BBS10: variants seen among roughly 807,000 people sequenced by gnomAD.
The protein encoded by BBS10 is Bardet-Biedl syndrome 10, also known as BBSome complex assembly protein BBS10.
A neutral mutation model predicts 12.7 loss-of-function variants in BBS10; 13 were observed. The ratio of observed to expected loss-of-function variants is 1.03; its 90% CI spans 0.67 to 1.63. BBS10 has a LOEUF of 1.63. BBS10 is among the 40% of genes most tolerant of loss of function. The pLI, the probability that BBS10 is intolerant of heterozygous loss-of-function variation, is 0.00. For missense variants in BBS10, 858 were observed against 858.0 expected, an observed-to-expected ratio of 1.00 and a Z score of 0.00; for synonymous variants, 294 against 304.8, an observed-to-expected ratio of 0.96 and a Z score of 0.37.
Position 76,346,652 on chromosome 12 carries a change from G to A in BBS10, c.1333C>T (p.Leu445Phe), listed in dbSNP as rs199878555. 5 of 1,614,018 alleles carry A rather than the reference G, an allele frequency of 3.1e-6. No homozygotes were observed. Among genetic ancestry groups the A allele is most frequent in the Non-Finnish European group, 4.2e-6 (5 of 1,179,950 alleles). Residue 445 changes from leucine (L) to phenylalanine (F), a missense_variant, in exon 2 of 2, where the codon CTT becomes TTT. Coordinates refer to ENST00000650064, the MANE Select transcript of BBS10 (RefSeq NM_024685.4). ...QTNDQNGTSSLFIYKNSGESY... is the reference protein window; with the variant it reads ...QTNDQNGTSSFFIYKNSGESY... Reference sequence around the variant, plus strand: ...TCTCCACTGTTCTTATAAATAAAAAGACTTGAAGTGCCATTTTGGTCATTG... The same window carrying A: ...TCTCCACTGTTCTTATAAATAAAAAAACTTGAAGTGCCATTTTGGTCATTG...
rs1220942999 is a variant in BBS10 at position 76,345,607 on chromosome 12, A to G, written c.*206T>C. 3 of 553,156 alleles carry G rather than the reference A, an allele frequency of 5.4e-6. No homozygotes were observed. The highest frequency in any genetic ancestry group is 9.7e-6 in the Non-Finnish European group (3 of 310,462). The allele number at this position is 553,156 out of a possible 1,614,324, so 34.3% of individuals were successfully genotyped here. A position where few individuals can be genotyped will look rare whatever the true frequency, so the allele number is the denominator to read the frequency against. ...GGGAAAAAACAGACACACTTAGCCAAATCTTGGCTTCCCCTCTAGATTTGT... is the reference window on the plus strand; with the variant it reads ...GGGAAAAAACAGACACACTTAGCCAGATCTTGGCTTCCCCTCTAGATTTGT... On this transcript the variant is annotated 3_prime_UTR_variant, in exon 2 of 2. Coordinates refer to ENST00000650064, the MANE Select transcript of BBS10 (RefSeq NM_024685.4).
Position 76,345,048 on chromosome 12 carries a change from T to C in BBS10, c.*765A>G, listed in dbSNP as rs1327279833. 6.6e-6 allele frequency: 1 copy of C among 152,146 alleles called. No homozygotes were observed. The highest frequency in any genetic ancestry group is 2.4e-5 in the African/African-American group (1 of 41,452). The allele number at this position is 152,146 out of a possible 1,614,324, so 9.4% of individuals were successfully genotyped here. On this transcript the variant is annotated 3_prime_UTR_variant, in exon 2 of 2. Transcript: ENST00000650064. ...GAAAAACCAGTAAATACATGACATA[T>C]CCTTACAAGCTCTTGGGGTCAGGAG... is the stretch of plus-strand genomic sequence containing the variant.
chr12:76,347,112 C>A lies in BBS10; in HGVS notation c.873G>T (p.Met291Ile). The change falls in exon 2 of 2, where the codon ATG becomes ATT. Residue 291 changes from methionine (M) to isoleucine (I), a missense_variant. By Grantham distance (10) the Met-to-Ile change is conservative (BLOSUM62 1). Coordinates refer to ENST00000650064, the MANE Select transcript of BBS10 (RefSeq NM_024685.4). The stretch of plus-strand genomic sequence containing the variant: ...GTTTCATTATTGCTTTTGTCTTTTC[C>A]ATAATCCAAAATTGAGATGTCTGAA... ...AQFQTSQFWI[M>I]EKTKAIMKHL... is the part of the protein sequence containing the mutation. 1.9e-6 allele frequency: 3 copies of A among 1,612,320 alleles called. No homozygotes were observed. Among genetic ancestry groups the A allele is most frequent in the Non-Finnish European group, 2.5e-6 (3 of 1,179,760 alleles).
In BBS10 at chr12:76,348,188, C is replaced by T; in HGVS notation, c.171G>A (p.Ala57=). The change falls in exon 1 of 2, where the codon GCG becomes GCA. Residue 57 remains alanine, a synonymous_variant. Coordinates refer to ENST00000650064, the MANE Select transcript of BBS10 (RefSeq NM_024685.4). ...TGGCTATGGGATGCTCTAAGTGTAG[C>T]GCCTCCAGGAGGCGGCCTCCATTCC... is the stretch of plus-strand genomic sequence containing the variant. ...LSRNGGRLLE[A]LHLEHPIARM... 6.2e-7 allele frequency: 1 copy of T among 1,612,924 alleles called. No individual in the cohort carries two copies. The highest frequency in any genetic ancestry group is 8.5e-7 in the Non-Finnish European group (1 of 1,179,180).
Position 76,347,494 on chromosome 12 carries a change from G to A in BBS10, c.491C>T (p.Thr164Ile), listed in dbSNP as rs769648898. 30 of 1,613,502 alleles carry A rather than the reference G, an allele frequency of 1.9e-5. No individual in the cohort carries two copies. The highest frequency in any genetic ancestry group is 2.3e-5 in the Non-Finnish European group (27 of 1,179,966). The change falls in exon 2 of 2, where the codon ACA (threonine) becomes ATA (isoleucine). Residue 164 changes from threonine to isoleucine, a missense_variant. Transcript: ENST00000650064. The stretch of plus-strand genomic sequence containing the variant: ...CAACTCTAAAGAGCTCCTACACAAT[G>A]TTCTCTCTTTAGCAGACGAAAAGAT... ...LSIFSSAKER[T>I]LCRSSLELLL...
intron 1 of BBS10, 71 bp from the exon 2 acceptor site, chr12:76,347,858 A>G: frequency 6.8e-7 from 1 of 1,475,346 alleles, no homozygotes; most frequent in Non-Finnish European, 9.3e-7. Flanking sequence ...CCATGTTTAC[A>G]CAGCCATAAG....
In BBS10 at chr12:76,348,178, C is replaced by A; in HGVS notation, c.181G>T (p.Glu61Ter). 6.2e-7 allele frequency: 1 copy of A among 1,612,386 alleles called. No individual in the cohort carries two copies. The highest frequency in any genetic ancestry group is 8.5e-7 in the Non-Finnish European group (1 of 1,178,784). Residue 61 changes from glutamate (E) to a stop codon, truncating the protein, a stop_gained, in exon 1 of 2, where the codon GAG (glutamate) becomes TAG (stop). Coordinates refer to ENST00000650064, the MANE Select transcript of BBS10 (RefSeq NM_024685.4). LOFTEE classifies it low-confidence loss of function (END_TRUNC). ...GGRLLEALHL[E>*]HPIARMIVDC... ...CGCGGGTACCTGGCTATGGGATGCT[C>A]TAAGTGTAGCGCCTCCAGGAGGCGG... is the stretch of plus-strand genomic sequence containing the variant.
At position 76,345,848 on chromosome 12, in the gene BBS10, T is replaced by C. The variant is rs1951753090; in HGVS notation, c.2137A>G (p.Lys713Glu). ...MVITVKRHPQ[K>E]VHNQDSEDEL ...TCTTCTGAATCTTGATTGTGAACTT[T>C]CTGAGGGTGTCTCTTAACAGTGATT... The change falls in exon 2 of 2, where the codon AAA becomes GAA. Residue 713 changes from lysine to glutamate, a missense_variant. Lys to Glu is a moderately conservative substitution (Grantham distance 56, BLOSUM62 1). Coordinates refer to ENST00000650064, the MANE Select transcript of BBS10 (RefSeq NM_024685.4). The C allele has an allele frequency of 6.2e-7, 1 of 1,613,726 alleles. No individual in the cohort carries two copies. The highest frequency in any genetic ancestry group is 8.5e-7 in the Non-Finnish European group (1 of 1,179,790).
At position 76,347,673 on chromosome 12, in the gene BBS10, TTC is replaced by T. The variant is rs2136091244; in HGVS notation, c.310_311del (p.Glu104LysfsTer7). 1.9e-6 allele frequency: 3 copies of T among 1,613,578 alleles called. No homozygotes were observed. The highest frequency in any genetic ancestry group is 2.5e-6 in the Non-Finnish European group (3 of 1,179,990). On this transcript the variant is annotated frameshift_variant, in exon 2 of 2. Coordinates refer to ENST00000650064, the MANE Select transcript of BBS10 (RefSeq NM_024685.4). LOFTEE classifies it low-confidence loss of function (END_TRUNC). ...LRGLHAITDR[E>X]KDPLMCENIQ... ...TGTTTTCACACATCAAAGGATCCTT[TTC>T]TCTGTCTGTGATTGCATGAAGTCCT... is the stretch of plus-strand genomic sequence containing the variant.
rs766572403 is a variant in BBS10, at chr12:76,347,596, G to A, written c.389C>T (p.Ser130Phe). 30 of 1,613,350 alleles carry A rather than the reference G, an allele frequency of 1.9e-5. No homozygotes were observed. Among genetic ancestry groups the A allele is most frequent in the Non-Finnish European group, 2.2e-5 (26 of 1,179,902 alleles). The part of the protein sequence containing the change: ...WKNCSRWKFI[S>F]QALLTFQTQI... ...TGTCTGAAACGTTAGGAGAGCCTGGGAAATAAATTTCCACCGAGAACAATT... is the reference window on the plus strand; with the variant it reads ...TGTCTGAAACGTTAGGAGAGCCTGGAAAATAAATTTCCACCGAGAACAATT... The change falls in exon 2 of 2, where the codon TCC (serine) becomes TTC (phenylalanine). Residue 130 changes from serine to phenylalanine, a missense_variant. Physicochemically the swap from Ser to Phe is radical, Grantham distance 155 (BLOSUM62 -2). Coordinates refer to ENST00000650064, the MANE Select transcript of BBS10 (RefSeq NM_024685.4).
rs1180521155 is a variant in BBS10, at chr12:76,347,173, G to C, written c.812C>G (p.Ser271Cys). ...TGAATTTAGAATAAACTCTGATCCA[G>C]AAGTGGAAAAAAGAGGCTGAATGGT... The part of the protein sequence containing the change: ...TETIQPLFST[S>C]GSEFILNSEA... The change falls in exon 2 of 2, where the codon TCT becomes TGT. Residue 271 changes from serine (S) to cysteine (C), a missense_variant. Coordinates refer to ENST00000650064, the MANE Select transcript of BBS10 (RefSeq NM_024685.4). 3 of 1,611,000 alleles carry C rather than the reference G, an allele frequency of 1.9e-6. No homozygotes were observed. Among genetic ancestry groups the C allele is most frequent in the Non-Finnish European group, 1.7e-6 (2 of 1,179,992 alleles).
chr12:76,347,086 T>A lies in BBS10; in HGVS notation c.899A>T (p.His300Leu), dbSNP rs775386507. 1.2e-6 allele frequency: 2 copies of A among 1,613,120 alleles called. No individual in the cohort carries two copies. The highest frequency in any genetic ancestry group is 3.3e-5 in the Admixed American group (2 of 60,030). Residue 300 changes from histidine (H) to leucine (L), a missense_variant, in exon 2 of 2, where the codon CAT becomes CTT. His to Leu is a moderately conservative substitution (Grantham distance 99, BLOSUM62 -3). Coordinates refer to ENST00000650064, the MANE Select transcript of BBS10 (RefSeq NM_024685.4). Reference protein sequence around the residue: ...IMEKTKAIMKHLHSQNVKLLI... With the variant: ...IMEKTKAIMKLLHSQNVKLLI... ...CAATTTTACATTCTGACTATGTAGA[T>A]GTTTCATTATTGCTTTTGTCTTTTC... is the stretch of plus-strand genomic sequence containing the variant.
rs1188005773 is a variant in BBS10, at chr12:76,346,615, G to A, written c.1370C>T (p.Ala457Val). 2.5e-6 allele frequency: 4 copies of A among 1,613,952 alleles called. No individual in the cohort carries two copies. The highest frequency in any genetic ancestry group is 8.5e-7 in the Non-Finnish European group (1 of 1,179,978). The change falls in exon 2 of 2, where the codon GCA (alanine) becomes GTA (valine). Residue 457 changes from alanine (A) to valine (V), a missense_variant. By Grantham distance (64) the Ala-to-Val change is moderately conservative (BLOSUM62 0). Transcript: ENST00000650064. ...IYKNSGESYQ[A>V]PDPGNGSIQR... ...TATTGAGCCATTACCAGGATCTGGT[G>A]CTTGATAACTTTCTCCACTGTTCTT...
rs1565810183 is a variant in BBS10, at chr12:76,347,594, G to A, written c.391C>T (p.Gln131Ter). The A allele has an allele frequency of 6.2e-7, 1 of 1,613,252 alleles. No individual in the cohort carries two copies. The highest frequency in any genetic ancestry group is 8.5e-7 in the Non-Finnish European group (1 of 1,179,840). The part of the protein sequence containing the change: ...KNCSRWKFIS[Q>*]ALLTFQTQIL... The stretch of plus-strand genomic sequence containing the variant: ...TGTGTCTGAAACGTTAGGAGAGCCT[G>A]GGAAATAAATTTCCACCGAGAACAA... The change falls in exon 2 of 2, where the codon CAG becomes TAG. Residue 131 changes from glutamine to a stop codon, truncating the protein, a stop_gained. Coordinates refer to ENST00000650064, the MANE Select transcript of BBS10 (RefSeq NM_024685.4). LOFTEE classifies it low-confidence loss of function (END_TRUNC).
At position 76,345,879 on chromosome 12, in the gene BBS10, G is replaced by A. The variant is rs1951753330; in HGVS notation, c.2106C>T (p.Asp702=). ...GGTGTCTCTTAACAGTGATTACCAT[G>A]TCAATGGTTAATATTTTTGTCAAAC... ...LQCLTKILTI[D]MVITVKRHPQ... is the part of the protein sequence containing the mutation. The change falls in exon 2 of 2, where the codon GAC becomes GAT. Residue 702 remains aspartate (D), a synonymous_variant. Transcript: ENST00000650064. 1 of 1,613,424 alleles carries A rather than the reference G, an allele frequency of 6.2e-7. No homozygotes were observed. Among genetic ancestry groups the A allele is most frequent in the East Asian group, 2.2e-5 (1 of 44,860 alleles).
Position 76,347,529 on chromosome 12 carries a change from G to A in BBS10, c.456C>T (p.His152=), listed in dbSNP as rs1235828232. ...DGIMDQYLSR[H]FLSIFSSAKE... is the part of the protein sequence containing the mutation. ...TAGCAGACGAAAAGATAGACAAAAA[G>A]TGTCTACTTAGGTACTGGTCCATAA... Residue 152 remains histidine (H), a synonymous_variant, in exon 2 of 2, where the codon CAC becomes CAT. Coordinates refer to ENST00000650064, the MANE Select transcript of BBS10 (RefSeq NM_024685.4). 1.2e-6 allele frequency: 2 copies of A among 1,613,602 alleles called. No homozygotes were observed. The highest frequency in any genetic ancestry group is 1.7e-6 in the Non-Finnish European group (2 of 1,179,960).
Position 76,348,274 on chromosome 12 carries a change from C to G in BBS10, c.85G>C (p.Val29Leu). 6.2e-7 allele frequency: 1 copy of G among 1,613,084 alleles called. No homozygotes were observed. Residue 29 changes from valine to leucine, a missense_variant, in exon 1 of 2, where the codon GTG (valine) becomes CTG (leucine). Physicochemically the swap from Val to Leu is conservative, Grantham distance 32. Transcript: ENST00000650064. Reference protein sequence around the residue: ...EVLEAIVSCCVGPEGRQVLCT... With the variant: ...EVLEAIVSCCLGPEGRQVLCT... ...AAAACTTGCCGTCCCTCGGGCCCCACGCAGCAGCTCACGATGGCTTCCAGC... is the reference window on the plus strand; with the variant it reads ...AAAACTTGCCGTCCCTCGGGCCCCAGGCAGCAGCTCACGATGGCTTCCAGC...
chr12:76,346,320 T>A lies in BBS10; in HGVS notation c.1665A>T (p.Ile555=). 6.2e-7 allele frequency: 1 copy of A among 1,613,970 alleles called. No homozygotes were observed. The highest frequency in any genetic ancestry group is 8.5e-7 in the Non-Finnish European group (1 of 1,179,930). ...CCTGTAAATTTTCGTAAGAAATTTC[T>A]ATTCTATTTCCCCTTGTTGAATAAG... The part of the protein sequence containing the change: ...STAYSTRGNR[I]EISYENLQVT... Residue 555 remains isoleucine (I), a synonymous_variant, in exon 2 of 2, where the codon ATA becomes ATT. Transcript: ENST00000650064.
In BBS10 at chr12:76,348,278, G is replaced by C. The variant is rs1951778826; in HGVS notation, c.81C>G (p.Cys27Trp). 1.2e-6 allele frequency: 2 copies of C among 1,612,886 alleles called. No individual in the cohort carries two copies. The highest frequency in any genetic ancestry group is 4.5e-5 in the East Asian group (2 of 44,808). The change falls in exon 1 of 2, where the codon TGC becomes TGG. Residue 27 changes from cysteine (C) to tryptophan (W), a missense_variant. Physicochemically the swap from Cys to Trp is radical, Grantham distance 215 (BLOSUM62 -2). Transcript: ENST00000650064. Reference protein sequence around the residue: ...VAEVLEAIVSCCVGPEGRQVL... With the variant: ...VAEVLEAIVSWCVGPEGRQVL... ...CTTGCCGTCCCTCGGGCCCCACGCA[G>C]CAGCTCACGATGGCTTCCAGCACCT... is the stretch of plus-strand genomic sequence containing the variant.
Sources: gnomAD v4.1 joint callset for allele counts on GRCh38, gnomAD v4.1.1 for gene constraint, MANE v1.5 for transcripts, NCBI Gene and HGNC (gene_info 2026-07-23, HGNC 2026-07-21) for gene names.